The following SAMD5 variants were observed in gnomAD, a reference collection of about 807,000 sequenced individuals.
SAMD5 encodes sterile alpha motif domain-containing protein 5.
In SAMD5, 13 loss-of-function variants were observed where a neutral mutation model predicts 11.3. The observed-to-expected ratio is 1.15, with a 90% CI of 0.75 to 1.83. The LOEUF is 1.83. Ranked by LOEUF, SAMD5 falls within the 40% of genes most tolerant of loss-of-function variation. SAMD5 has a pLI of 0.00. For missense variants in SAMD5, 255 were observed against 239.1 expected (o/e 1.07, Z -0.44); for synonymous variants, 129 against 111.3 (o/e 1.16, Z -1.00).
At chr6:147,831,984 A>AT in the SAMD5 span, among the ~76,000 whole-genome samples, 783 of 149,304 alleles carry the variant, frequency 5.2e-3, 3 homozygotes, top group African/African-American at 0.012. Context: ...TCAAGAAGTT[A>AT]TTTTTTTTTT....
the SAMD5 span, among the ~76,000 whole-genome samples, chr6:147,877,932 T>A: frequency 2.2e-3 from 319 of 146,096 alleles, 2 homozygotes; most frequent in African/African-American, 6.9e-3. Flanking sequence ...GCTAGATAGA[T>A]AGATAGATAG....
At chr6:147,809,249 G>A in the SAMD5 span, among the ~76,000 whole-genome samples, 1 of 151,804 alleles carries the variant, frequency 6.6e-6, no homozygotes, top group Admixed American at 6.6e-5. Context: ...AAAAATATCA[G>A]TGCTTTTCCT....
At chr6:147,880,980 G>A in the SAMD5 span, among the ~76,000 whole-genome samples, 1 of 152,110 alleles carries the variant, frequency 6.6e-6, no homozygotes, top group Non-Finnish European at 1.5e-5. Context: ...AGACACTGGG[G>A]TAGATTCATT....
the SAMD5 span, among the ~76,000 whole-genome samples, chr6:147,919,991 A>T: frequency 6.6e-6 from 1 of 152,176 alleles, no homozygotes; most frequent in Admixed American, 6.5e-5. Context: ...TGTGCTTGTG[A>T]TTTGATTTAA....
At chr6:147,594,524 G>T (rs995804220) in intron 1 of SAMD5, among the ~76,000 whole-genome samples, 13 of 152,102 alleles carry the variant, frequency 8.5e-5, no homozygotes, top group Non-Finnish European at 1.9e-4. Flanking sequence ...ATATTACAAA[G>T]GCAGGTATTG....
At position 147,566,545 on chromosome 6, in the gene SAMD5, C is replaced by T. The variant is rs1217731418; in HGVS notation, c.*2089C>T. 1.0e-6 allele frequency: 1 copy of T among 984,604 alleles called. No individual in the cohort carries two copies. The highest frequency in any genetic ancestry group is 1.2e-6 in the Non-Finnish European group (1 of 828,904). The allele number at this position is 984,604 out of a possible 1,614,324, so 61.0% of individuals were successfully genotyped here. On this transcript the variant is annotated 3_prime_UTR_variant, in exon 2 of 2. Transcript: ENST00000367474. Reference sequence around the variant, plus strand: ...TTCACTGTGGGCCTTATGAGGCAATCTACTGCAATGGAAAAAGGGTTCCTT... The same window carrying T: ...TTCACTGTGGGCCTTATGAGGCAATTTACTGCAATGGAAAAAGGGTTCCTT...
chr6:147,718,141 T>G (rs9497848), intron 1 of SAMD5, among the ~76,000 whole-genome samples: 3,489 of 152,264 alleles, frequency 0.023, 154 homozygotes, highest in African/African-American at 0.081. Flanking sequence ...GGTGAATTAA[T>G]TTTTACAGTG....
chr6:147,659,589 G>A (rs933111017), intron 1 of SAMD5, among the ~76,000 whole-genome samples: 1 of 152,148 alleles, frequency 6.6e-6, no homozygotes, highest in Non-Finnish European at 1.5e-5. Flanking sequence ...AAAGAAGAAA[G>A]CATAATTTTA....
At chr6:147,938,014 T>C in the SAMD5 span, among the ~76,000 whole-genome samples, 1 of 152,318 alleles carries the variant, frequency 6.6e-6, no homozygotes, top group East Asian at 1.9e-4. Flanking sequence ...TTACAAATAA[T>C]AGTAGAGCTT....
chr6:147,871,484 A>T, the SAMD5 span, among the ~76,000 whole-genome samples: 1 of 152,336 alleles, frequency 6.6e-6, no homozygotes, highest in Non-Finnish European at 1.5e-5. Flanking sequence ...TCTAAAATGT[A>T]ACCTCTTTTT....
At chr6:147,675,798 A>C (rs1790854761) in intron 1 of SAMD5, among the ~76,000 whole-genome samples, 1 of 147,894 alleles carries the variant, frequency 6.8e-6, no homozygotes, top group East Asian at 1.9e-4. Context: ...ATGAACTGAC[A>C]GTGATTTTCT....
At chr6:147,594,352 T>C (rs1789498939) in intron 1 of SAMD5, among the ~76,000 whole-genome samples, 1 of 152,158 alleles carries the variant, frequency 6.6e-6, no homozygotes, top group Non-Finnish European at 1.5e-5. Flanking sequence ...TTCCTTTTTG[T>C]TAACAGCTGT....
the SAMD5 span, among the ~76,000 whole-genome samples, chr6:147,941,938 A>G: frequency 1.3e-5 from 2 of 152,036 alleles, no homozygotes; most frequent in African/African-American, 2.4e-5. Context: ...CAGTGGTGCA[A>G]TCTCGGCTCA....
At chr6:147,696,412 G>A (rs541452622) in intron 1 of SAMD5, among the ~76,000 whole-genome samples, 1 of 152,314 alleles carries the variant, frequency 6.6e-6, no homozygotes, top group African/African-American at 2.4e-5. Flanking sequence ...GCATCCTGGA[G>A]TAACACATAG....
intron 1 of SAMD5, among the ~76,000 whole-genome samples, chr6:147,606,583 G>A (rs1170000995): frequency 6.6e-6 from 1 of 151,186 alleles, no homozygotes; most frequent in Non-Finnish European, 1.5e-5. Flanking sequence ...TAAAAAAAAA[G>A]ACTTTTTAAA....
the SAMD5 span, among the ~76,000 whole-genome samples, chr6:147,809,187 C>T: frequency 6.6e-6 from 1 of 151,922 alleles, no homozygotes; most frequent in Non-Finnish European, 1.5e-5. Context: ...CTTCTGCATA[C>T]ATTATTTTCT....
At chr6:147,897,296 G>A in the SAMD5 span, among the ~76,000 whole-genome samples, 4 of 152,158 alleles carry the variant, frequency 2.6e-5, no homozygotes, top group African/African-American at 7.2e-5. Context: ...TGTACTGTGC[G>A]TGTGTTGAAA....
At chr6:147,791,289 C>CAAATAAAT in the SAMD5 span, among the ~76,000 whole-genome samples, 1 of 151,566 alleles carries the variant, frequency 6.6e-6, no homozygotes, top group African/African-American at 2.4e-5. Context: ...GACCCCGTCT[C>CAAATAAAT]AAATAAATAA....
intron 1 of SAMD5, among the ~76,000 whole-genome samples, chr6:147,550,203 A>T (rs752867767): frequency 6.6e-6 from 1 of 152,132 alleles, no homozygotes; most frequent in Non-Finnish European, 1.5e-5. Context: ...TGATCACTGC[A>T]CTAGAGCCGG....
Sources: allele counts gnomAD v4.1 joint callset (sites outside exome capture counted in the v4.1 genomes callset), GRCh38; gene constraint gnomAD v4.1.1; transcripts MANE v1.5; gene names NCBI Gene and HGNC (gene_info 2026-07-23, HGNC 2026-07-21).